The following COPS3 variants were observed in gnomAD, a reference collection of about 807,000 sequenced individuals.
COPS3 encodes COP9 signalosome subunit 3, also known as COP9 signalosome complex subunit 3.
COPS3 carries 10 observed loss-of-function variants against 58.2 expected under a neutral mutation model. That is an observed-to-expected ratio of 0.17 (90% CI 0.11 to 0.29). The LOEUF (loss-of-function observed/expected upper bound fraction) is 0.29. Among genes scored for constraint, COPS3 ranks in the 10% least tolerant of loss-of-function variants. The pLI, the probability that COPS3 is intolerant of heterozygous loss-of-function variation, is 1.00. For missense variants in COPS3, 333 were observed against 510.1 expected, an observed-to-expected ratio of 0.65 and a Z score of 3.34; for synonymous variants, 187 against 181.7, an observed-to-expected ratio of 1.03 and a Z score of -0.24.
At chr17:17,268,948 G>C (rs1409280348) in intron 4 of COPS3, among the ~76,000 whole-genome samples, 1 of 151,994 alleles carries the variant, frequency 6.6e-6, no homozygotes, top group Non-Finnish European at 1.5e-5. Context: ...TTTCAAACAT[G>C]GTTACTTAGT....
chr17:17,250,916 T>G (rs942131172), intron 9 of COPS3, among the ~76,000 whole-genome samples: 1 of 152,170 alleles, frequency 6.6e-6, no homozygotes, highest in African/African-American at 2.4e-5. Flanking sequence ...TAAGCAAAAT[T>G]TGGACCTACC....
chr17:17,263,222 A>G (rs1334068194), intron 6 of COPS3, among the ~76,000 whole-genome samples: 1 of 147,246 alleles, frequency 6.8e-6, no homozygotes, highest in Non-Finnish European at 1.5e-5. Flanking sequence ...CGGGAGGCGG[A>G]GCTTGCGGTG....
chr17:17,270,260 G>A (rs2048316784), intron 4 of COPS3, among the ~76,000 whole-genome samples: 1 of 151,702 alleles, frequency 6.6e-6, no homozygotes, highest in East Asian at 1.9e-4. Flanking sequence ...AAGTATTTAG[G>A]GATAAAGAAC....
chr17:17,261,826 C>A, intron 7 of COPS3, 140 bp downstream of exon 7: 3 of 668,546 alleles, frequency 4.5e-6, no homozygotes, highest in Non-Finnish European at 7.6e-6. Flanking sequence ...GTGTAGCAGA[C>A]ATTCAATAAA....
intron 2 of COPS3, among the ~76,000 whole-genome samples, chr17:17,274,306 CAT>C (rs2048412760): frequency 6.6e-6 from 1 of 152,032 alleles, no homozygotes; most frequent in African/African-American, 2.4e-5. Context: ...TTGTTTCTGA[CAT>C]GTCTTGATAA....
intron 1 of COPS3, among the ~76,000 whole-genome samples, 159 bp downstream of exon 1, chr17:17,280,973 C>T (rs951662697): frequency 6.6e-6 from 1 of 152,158 alleles, no homozygotes; most frequent in Non-Finnish European, 1.5e-5. Flanking sequence ...CTCGGCCGCG[C>T]TCGATCCTGC....
intron 8 of COPS3, among the ~76,000 whole-genome samples, chr17:17,255,514 A>G (rs2047951985): frequency 6.9e-6 from 1 of 143,908 alleles, no homozygotes; most frequent in Admixed American, 7.0e-5. Flanking sequence ...AGCTCTTCCC[A>G]TTGATGTACA....
Position 17,281,208 on chromosome 17 carries a change from G to A in COPS3, c.-22C>T, listed in dbSNP as rs1019802207. 1 of 1,605,356 alleles carries A rather than the reference G, an allele frequency of 6.2e-7. No homozygotes were observed. The highest frequency in any genetic ancestry group is 8.5e-7 in the Non-Finnish European group (1 of 1,176,264). ...CCATGTTTTCCCCCGGGCGGCCCGAGCGGCGAAGGCAGCACGCGCGGGAAA... is the reference window on the plus strand; with the variant it reads ...CCATGTTTTCCCCCGGGCGGCCCGAACGGCGAAGGCAGCACGCGCGGGAAA... On this transcript the variant is annotated 5_prime_UTR_variant, in exon 1 of 12. Transcript: ENST00000268717.
chr17:17,280,402 A>G (rs2145273138), intron 1 of COPS3, among the ~76,000 whole-genome samples: 1 of 145,490 alleles, frequency 6.9e-6, no homozygotes, highest in Non-Finnish European at 1.5e-5. Context: ...CTCCGTCTCA[A>G]AAAAAAAAAA....
At chr17:17,258,201 C>T (rs1045153010) in intron 8 of COPS3, among the ~76,000 whole-genome samples, 5 of 152,178 alleles carry the variant, frequency 3.3e-5, no homozygotes, top group African/African-American at 7.2e-5. Context: ...TCCACCACTT[C>T]GTGTCAACAT....
At chr17:17,271,863 CAT>C (rs1432812574) in intron 2 of COPS3, among the ~76,000 whole-genome samples, 40 of 113,178 alleles carry the variant, frequency 3.5e-4, no homozygotes, top group African/African-American at 9.5e-4. Context: ...TATATACACA[CAT>C]ACACACACAT....
At chr17:17,276,818 G>A (rs868488704) in intron 1 of COPS3, among the ~76,000 whole-genome samples, 3 of 151,862 alleles carry the variant, frequency 2.0e-5, no homozygotes, top group Middle Eastern at 6.8e-3. Flanking sequence ...GATCCACCGC[G>A]CCCAGCCTAC....
rs780904014 is a variant in COPS3, at chr17:17,280,545, AAAAC to A, written c.55+583_55+586del. 9.0e-4 allele frequency: 1,132 copies of A among 1,259,468 alleles called. 1 individual carries two copies. The highest frequency in any genetic ancestry group is 1.0e-3 in the Non-Finnish European group (1,002 of 962,986). The allele number at this position is 1,259,468 out of a possible 1,614,324, so 78.0% of individuals were successfully genotyped here. On this transcript the variant is annotated intron_variant, in intron 1 of 11. Coordinates refer to ENST00000268717, the MANE Select transcript of COPS3 (RefSeq NM_003653.4). ...ACTGCACTCCAGCCTCGGCTAAAAA[AAAAC>A]AAAGAAGAAGAAATGGAGTCCTACG...
At position 17,260,386 on chromosome 17, in the gene COPS3, T is replaced by G. The variant is rs766627921; in HGVS notation, c.851A>C (p.Glu284Ala). The G allele has an allele frequency of 6.2e-7, 1 of 1,614,224 alleles. No individual in the cohort carries two copies. The highest frequency in any genetic ancestry group is 1.1e-5 in the South Asian group (1 of 91,088). ...ELRNLVNKHSETFTRDNNMGL... is the reference protein window; with the variant it reads ...ELRNLVNKHSATFTRDNNMGL... Reference sequence around the variant, plus strand: ...CATGTTGTTATCGCGAGTGAAGGTTTCACTGTGCTTATTCACCAGGTTTCG... The same window carrying G: ...CATGTTGTTATCGCGAGTGAAGGTTGCACTGTGCTTATTCACCAGGTTTCG... Residue 284 changes from glutamate (E) to alanine (A), a missense_variant, in exon 8 of 12, where the codon GAA becomes GCA. Glu to Ala is a moderately radical substitution (Grantham distance 107). Coordinates refer to ENST00000268717, the MANE Select transcript of COPS3 (RefSeq NM_003653.4).
chr17:17,252,953 G>T (rs1043741735), intron 9 of COPS3, among the ~76,000 whole-genome samples: 3 of 152,184 alleles, frequency 2.0e-5, no homozygotes, highest in African/African-American at 7.2e-5. Context: ...TGGGTGCAGT[G>T]GCTGTATCCA....
chr17:17,253,282 T>C (rs1332331293), intron 9 of COPS3, among the ~76,000 whole-genome samples: 1 of 152,150 alleles, frequency 6.6e-6, no homozygotes, highest in Non-Finnish European at 1.5e-5. Flanking sequence ...CAAGGGGTCA[T>C]ATGAAGCTTT....
At chr17:17,268,140 CAG>C in intron 4 of COPS3, 163 bp from the exon 5 acceptor site, 1 of 1,091,040 alleles carries the variant, frequency 9.2e-7, no homozygotes, top group Non-Finnish European at 1.2e-6. Flanking sequence ...CCATTTAAGT[CAG>C]AAAACTTTTC....
chr17:17,271,964 T>A (rs1248548958), intron 2 of COPS3, among the ~76,000 whole-genome samples: 1 of 149,130 alleles, frequency 6.7e-6, no homozygotes, highest in East Asian at 2.0e-4. Context: ...AGGAACAACT[T>A]TCAAGATGAA....
chr17:17,280,539 T>C, intron 1 of COPS3: 2 of 1,227,510 alleles, frequency 1.6e-6, no homozygotes, highest in Non-Finnish European at 2.1e-6. Flanking sequence ...CAGCCTCGGC[T>C]AAAAAAAAAC....
Sources: gnomAD v4.1 joint callset for allele counts (sites outside exome capture counted in the v4.1 genomes callset) on GRCh38, gnomAD v4.1.1 for gene constraint, MANE v1.5 for transcripts, NCBI Gene and HGNC (gene_info 2026-07-23, HGNC 2026-07-21) for gene names.